The following TMED3 variants were observed in gnomAD, a reference collection of about 807,000 sequenced individuals.
The protein encoded by TMED3 is transmembrane emp24 domain-containing protein 3.
Under a neutral mutation model 15.0 loss-of-function variants are expected in TMED3, and 9 were observed. The observed-to-expected ratio is 0.60, with a 90% CI of 0.36 to 1.04. TMED3 has a LOEUF of 1.04. Among genes scored for constraint, TMED3 ranks in the 50% least tolerant of loss-of-function variants. TMED3 has a pLI of 0.01. For missense variants in TMED3, 267 were observed against 278.9 expected (o/e 0.96, Z 0.30); for synonymous variants, 117 against 121.4 (o/e 0.96, Z 0.24).
At chr15:79,393,179 G>A (rs1893718852) in intron 2 of TMED3, among the ~76,000 whole-genome samples, 1 of 152,154 alleles carries the variant, frequency 6.6e-6, no homozygotes, top group South Asian at 2.1e-4. Flanking sequence ...CAAAATTTTT[G>A]GAGGGTAAGG....
At chr15:79,401,383 A>AGTT (rs1567040642) in intron 2 of TMED3, among the ~76,000 whole-genome samples, 1 of 152,214 alleles carries the variant, frequency 6.6e-6, no homozygotes, top group African/African-American at 2.4e-5. Context: ...AGTGTGAGAT[A>AGTT]GATGACAGAG....
downstream of TMED3, among the ~76,000 whole-genome samples, chr15:79,324,519 C>T (rs534851644): frequency 2.2e-4 from 34 of 152,066 alleles, no homozygotes; most frequent in African/African-American, 5.3e-4. Flanking sequence ...GGTATCAAAT[C>T]GTCTTAGTAA....
At chr15:79,319,909 A>G (rs2058757811) in intron 2 of TMED3, among the ~76,000 whole-genome samples, 1 of 152,250 alleles carries the variant, frequency 6.6e-6, no homozygotes, top group Non-Finnish European at 1.5e-5. Context: ...ACAGGATGGA[A>G]CATGAAAGAA....
chr15:79,405,035 A>G (rs973895261), intron 2 of TMED3, among the ~76,000 whole-genome samples: 1 of 152,206 alleles, frequency 6.6e-6, no homozygotes, highest in Non-Finnish European at 1.5e-5. Context: ...CATGGAGGCC[A>G]CCTCTGAATC....
At chr15:79,325,471 T>G (rs929134717), downstream of TMED3, among the ~76,000 whole-genome samples, 1 of 152,166 alleles carries the variant, frequency 6.6e-6, no homozygotes, top group Admixed American at 6.5e-5. Context: ...AAAGATAATT[T>G]TCCAAAAAAG....
At chr15:79,370,590 T>C (rs1893320723) in intron 2 of TMED3, among the ~76,000 whole-genome samples, 1 of 152,250 alleles carries the variant, frequency 6.6e-6, no homozygotes, top group African/African-American at 2.4e-5. Flanking sequence ...TGGGCACTGA[T>C]TGATAATGTC....
chr15:79,338,268 T>C (rs2058834442), intron 2 of TMED3, among the ~76,000 whole-genome samples: 1 of 152,232 alleles, frequency 6.6e-6, no homozygotes, highest in Non-Finnish European at 1.5e-5. Flanking sequence ...TTAAAAAATC[T>C]GAAGAATGTA....
chr15:79,399,429 C>CA (rs565627707), intron 2 of TMED3, among the ~76,000 whole-genome samples: 1 of 151,842 alleles, frequency 6.6e-6, no homozygotes, highest in Admixed American at 6.6e-5. Flanking sequence ...TGTGTGAGTC[C>CA]AAAAACGCAA....
intron 2 of TMED3, among the ~76,000 whole-genome samples, chr15:79,399,916 C>T (rs1358824549): frequency 1.3e-5 from 2 of 152,230 alleles, no homozygotes; most frequent in African/African-American, 4.8e-5. Flanking sequence ...GTGAGGTCCA[C>T]TGACAGCCAA....
chr15:79,381,069 A>G (rs568816216), intron 2 of TMED3, among the ~76,000 whole-genome samples: 1 of 152,320 alleles, frequency 6.6e-6, no homozygotes, highest in African/African-American at 2.4e-5. Context: ...GCAGATTTTA[A>G]GAATGACAGT....
In TMED3 at chr15:79,311,114, T is replaced by C; in HGVS notation, c.-136T>C. On this transcript the variant is annotated 5_prime_UTR_variant, in exon 1 of 3. Coordinates refer to ENST00000299705, the MANE Select transcript of TMED3 (RefSeq NM_007364.4). ...CGGCTGCGCACTGAGCCGCCGGCCC[T>C]CCCGGAAGCGCAGAGCTCCGCTGGT... The C allele has an allele frequency of 1.1e-6, 1 of 916,930 alleles. No homozygotes were observed. 56.8% of individuals were successfully genotyped at this position (916,930 alleles called of 1,614,324 possible).
At chr15:79,312,460 T>G (rs1278680171) in intron 1 of TMED3, among the ~76,000 whole-genome samples, 6 of 152,212 alleles carry the variant, frequency 3.9e-5, no homozygotes, top group South Asian at 4.1e-4. Flanking sequence ...CGGAAATCCC[T>G]TGTCAAAGTG....
intron 2 of TMED3, among the ~76,000 whole-genome samples, chr15:79,370,459 G>A (rs887758331): frequency 7.9e-5 from 12 of 151,802 alleles, no homozygotes; most frequent in African/African-American, 1.5e-4. Context: ...GATGGGCTCC[G>A]GGGAATATCA....
At chr15:79,403,386 G>A (rs1237757806) in intron 2 of TMED3, among the ~76,000 whole-genome samples, 3 of 152,006 alleles carry the variant, frequency 2.0e-5, no homozygotes, top group Non-Finnish European at 4.4e-5. Flanking sequence ...AGTCTAGGTT[G>A]CTTGGCTGGT....
At chr15:79,399,193 G>T (rs1893801691) in intron 2 of TMED3, among the ~76,000 whole-genome samples, 2 of 152,154 alleles carry the variant, frequency 1.3e-5, no homozygotes, top group African/African-American at 4.8e-5. Flanking sequence ...TTACAGGCAT[G>T]AGCCACCACA....
At chr15:79,339,858 ATGG>A (rs1318965951) in intron 2 of TMED3, among the ~76,000 whole-genome samples, 8 of 149,852 alleles carry the variant, frequency 5.3e-5, no homozygotes, top group African/African-American at 1.7e-4. Context: ...GATTAGGATG[ATGG>A]TGGTGATGAT....
chr15:79,322,488 A>G lies in TMED3; in HGVS notation c.*274A>G, dbSNP rs2058772208. On this transcript the variant is annotated 3_prime_UTR_variant, in exon 3 of 3. Coordinates refer to ENST00000299705, the MANE Select transcript of TMED3 (RefSeq NM_007364.4). ...GATTAGCCACTGTGGGAGGGTGGAC[A>G]GGCAATGGTTCAGTGGCCTGGCTGT... The G allele has an allele frequency of 7.9e-7, 1 of 1,269,534 alleles. No individual in the cohort carries two copies. Among genetic ancestry groups the G allele is most frequent in the Non-Finnish European group, 1.0e-6 (1 of 1,004,364 alleles). 78.6% of individuals were successfully genotyped at this position (1,269,534 alleles called of 1,614,324 possible).
In TMED3 at chr15:79,311,323, G is replaced by T; in HGVS notation, c.74G>T (p.Cys25Phe). ...CTCCTGCGCCGGGCCGAGCAGCCCT[G>T]CGGGGCCGAGCTCACCTTCGAGCTG... ...LLLLRRAEQP[C>F]GAELTFELPD... Residue 25 changes from cysteine to phenylalanine, a missense_variant, in exon 1 of 3, where the codon TGC becomes TTC. Around this residue, in one of 3 missense-constraint regions of TMED3, gnomAD observed 59 missense variants for 47.0 expected, o/e 1.26. Coordinates refer to ENST00000299705, the MANE Select transcript of TMED3 (RefSeq NM_007364.4). The T allele has an allele frequency of 6.2e-7, 1 of 1,609,926 alleles. No individual in the cohort carries two copies.
chr15:79,335,137 A>G (rs2058822688), intron 2 of TMED3, among the ~76,000 whole-genome samples: 1 of 152,224 alleles, frequency 6.6e-6, no homozygotes, highest in Non-Finnish European at 1.5e-5. Context: ...CTGAAGAAGA[A>G]AACAGAACAA....
Sources: allele counts gnomAD v4.1 joint callset (sites outside exome capture counted in the v4.1 genomes callset), GRCh38; gene constraint gnomAD v4.1.1; regional missense constraint gnomAD v4.1.1; transcripts MANE v1.5; gene names NCBI Gene and HGNC (gene_info 2026-07-23, HGNC 2026-07-21).